The following CACHD1 variants were observed in gnomAD, a reference collection of about 807,000 sequenced individuals.
CACHD1 encodes the protein cache domain containing 1, also known as VWFA and cache domain-containing protein 1.
Under a neutral mutation model 138.7 loss-of-function variants are expected in CACHD1, and 71 were observed. That is an observed-to-expected ratio of 0.51 (90% confidence interval 0.42 to 0.62). CACHD1 has a LOEUF of 0.62. Ranked by LOEUF, CACHD1 falls within the 20% of genes least tolerant of loss-of-function variation. The pLI is 0.00. For missense variants in CACHD1, 1,389 were observed against 1,625.3 expected (o/e 0.85, Z 2.50); for synonymous variants, 578 against 591.5 (o/e 0.98, Z 0.33).
chr1:64,500,399 C>G (rs1462518357), intron 1 of CACHD1, among the ~76,000 whole-genome samples: 3 of 152,150 alleles, frequency 2.0e-5, no homozygotes, highest in Admixed American at 6.6e-5. Context: ...AAAAGAATGC[C>G]TTTTTATAAT....
chr1:64,548,735 A>G (rs747832152), intron 1 of CACHD1, among the ~76,000 whole-genome samples: 2 of 152,244 alleles, frequency 1.3e-5, no homozygotes, highest in Admixed American at 6.5e-5. Flanking sequence ...CTATACATAC[A>G]CATCAGTTCA....
At position 64,598,819 on chromosome 1, in the gene CACHD1, TGGTC is replaced by T. The variant is rs1223442696; in HGVS notation, c.411-3986_411-3983del. Among the ~76,000 whole-genome samples the T allele has an allele frequency of 8.2e-4, 124 of 151,620 alleles. 2 individuals carry two copies. The East Asian group carries it at 0.021, about 26-fold the overall frequency. On this transcript the variant is annotated intron_variant, in intron 3 of 26. Transcript: ENST00000651257. ...TTATTTTTAAATTTTATTGATGCAA[TGGTC>T]TGAATGTTTGCCTTCTCTGTCCCAA...
At chr1:64,531,562 GAAC>G (rs770345243) in intron 1 of CACHD1, among the ~76,000 whole-genome samples, 4 of 151,386 alleles carry the variant, frequency 2.6e-5, no homozygotes, top group Non-Finnish European at 4.4e-5. Context: ...AGGAGAACCA[GAAC>G]AATGACAAAA....
chr1:64,626,565 G>A (rs902294546), intron 4 of CACHD1, among the ~76,000 whole-genome samples: 1 of 152,154 alleles, frequency 6.6e-6, no homozygotes. Context: ...GAGGAACTTG[G>A]CCTCTGGCTT....
chr1:64,673,506 C>T lies in CACHD1; in HGVS notation c.2727+42C>T, dbSNP rs200246215. ...CCTTAACACTCTCATTTTTCCATCC[C>T]ATTATGGAACATGAATTGGAATCAT... On this transcript the variant is annotated intron_variant, in intron 19 of 26. Transcript: ENST00000651257. 1,111 of 1,403,088 alleles carry T rather than the reference C, an allele frequency of 7.9e-4. 1 individual carries two copies. The highest frequency in any genetic ancestry group is 3.3e-3 in the Middle Eastern group (19 of 5,682). The allele number at this position is 1,403,088 out of a possible 1,614,324, so 86.9% of individuals were successfully genotyped here. A position where few individuals can be genotyped will look rare whatever the true frequency, so the allele number is the denominator to read the frequency against.
intron 2 of CACHD1, among the ~76,000 whole-genome samples, chr1:64,556,333 A>G (rs780432288): frequency 6.6e-5 from 10 of 152,246 alleles, no homozygotes; most frequent in Non-Finnish European, 1.2e-4. Context: ...AGTTATTCAA[A>G]GCAGATTATT....
intron 4 of CACHD1, among the ~76,000 whole-genome samples, chr1:64,618,623 G>A (rs566660959): frequency 1.3e-5 from 2 of 152,308 alleles, no homozygotes; most frequent in African/African-American, 4.8e-5. Context: ...CAATACTCAA[G>A]ATGTAAGTGG....
intron 1 of CACHD1, among the ~76,000 whole-genome samples, chr1:64,530,512 GT>G (rs886867828): frequency 8.0e-5 from 12 of 149,724 alleles, no homozygotes; most frequent in East Asian, 5.9e-4. Flanking sequence ...ATGGTGAAGA[GT>G]TTTTTTTTTC....
intron 7 of CACHD1, 31 bp from the exon 8 acceptor site, chr1:64,641,789 G>C: frequency 1.4e-6 from 2 of 1,476,404 alleles, no homozygotes; most frequent in South Asian, 1.4e-5. Context: ...GGAATCCAAA[G>C]AGAGCATTCA....
At chr1:64,511,496 T>C (rs1317705404) in intron 1 of CACHD1, among the ~76,000 whole-genome samples, 1 of 151,314 alleles carries the variant, frequency 6.6e-6, no homozygotes, top group Non-Finnish European at 1.5e-5. Context: ...AAATCTAGAG[T>C]TCAGACAAAG....
chr1:64,536,876 A>G (rs982487563), intron 1 of CACHD1, among the ~76,000 whole-genome samples: 2 of 152,344 alleles, frequency 1.3e-5, no homozygotes, highest in Admixed American at 6.5e-5. Context: ...ATAGGTGGCT[A>G]TGATAAATCT....
chr1:64,515,615 GTGCTGCCTGAA>G (rs1400606760), intron 1 of CACHD1, among the ~76,000 whole-genome samples: 5 of 152,132 alleles, frequency 3.3e-5, no homozygotes, highest in African/African-American at 1.2e-4. Flanking sequence ...AGCTGTAGTT[GTGCTGCCTGAA>G]TGCATGCCAG....
chr1:64,615,646 A>G (rs897883511), intron 4 of CACHD1, among the ~76,000 whole-genome samples: 4 of 152,206 alleles, frequency 2.6e-5, no homozygotes, highest in Non-Finnish European at 4.4e-5. Flanking sequence ...TCTTCTGTAT[A>G]ATGGAATAAC....
intron 7 of CACHD1, 118 bp downstream of exon 7, chr1:64,634,378 G>T (rs2164572): frequency 0.97 from 235,444 of 242,840 alleles, 114,231 homozygotes; most frequent in Non-Finnish European, 0.99. Flanking sequence ...ATTTATGTAT[G>T]TATTTATTTA....
At chr1:64,690,752 G>A (rs1475976310) in intron 26 of CACHD1, among the ~76,000 whole-genome samples, 7 of 152,220 alleles carry the variant, frequency 4.6e-5, no homozygotes, top group African/African-American at 1.7e-4. Context: ...CCTGACACAA[G>A]TGCCTGCTAC....
intron 2 of CACHD1, among the ~76,000 whole-genome samples, chr1:64,566,040 A>C (rs1646878053): frequency 6.6e-6 from 1 of 152,180 alleles, no homozygotes; most frequent in Admixed American, 6.5e-5. Flanking sequence ...TCTTGGCTGA[A>C]ATGATACCTC....
intron 1 of CACHD1, among the ~76,000 whole-genome samples, chr1:64,530,303 T>G (rs969633419): frequency 6.6e-6 from 1 of 152,140 alleles, no homozygotes; most frequent in Non-Finnish European, 1.5e-5. Flanking sequence ...ATCTTCTCCC[T>G]AGAGACTTAA....
intron 4 of CACHD1, among the ~76,000 whole-genome samples, chr1:64,606,205 A>T (rs1055426700): frequency 2.0e-5 from 3 of 152,132 alleles, no homozygotes; most frequent in Admixed American, 2.0e-4. Flanking sequence ...ATGTTAGAAG[A>T]TGATGAATGC....
At chr1:64,631,862 A>G (rs547991481) in intron 5 of CACHD1, among the ~76,000 whole-genome samples, 8 of 152,158 alleles carry the variant, frequency 5.3e-5, no homozygotes, top group Non-Finnish European at 1.2e-4. Context: ...AAATGCTCAG[A>G]TAAGGGGCCT....
Sources: gnomAD v4.1 joint callset for allele counts (sites outside exome capture counted in the v4.1 genomes callset) on GRCh38, gnomAD v4.1.1 for gene constraint, MANE v1.5 for transcripts, NCBI Gene and HGNC (gene_info 2026-07-23, HGNC 2026-07-21) for gene names.